LIN52: variants seen among roughly 807,000 people sequenced by gnomAD.
LIN52 encodes protein lin-52 homolog.
A neutral mutation model predicts 18.5 loss-of-function variants in LIN52; 4 were observed. That is an observed-to-expected ratio of 0.22 (90% CI 0.11 to 0.49). The LOEUF is 0.49. Ranked by LOEUF, LIN52 falls within the 20% of genes least tolerant of loss-of-function variation. LIN52 has a pLI of 0.97. For missense variants in LIN52, 102 were observed against 139.5 expected, an observed-to-expected ratio of 0.73 and a Z score of 1.35; for synonymous variants, 34 against 45.5, an observed-to-expected ratio of 0.75 and a Z score of 1.02.
At chr14:74,182,005 TTTTA>T (rs1485088703) in intron 5 of LIN52, among the ~76,000 whole-genome samples, 1 of 152,156 alleles carries the variant, frequency 6.6e-6, no homozygotes, top group African/African-American at 2.4e-5. Flanking sequence ...ATATTGTGCT[TTTTA>T]TTTATTTGTT....
At chr14:74,173,442 C>G (rs764270405) in intron 5 of LIN52, among the ~76,000 whole-genome samples, 18 of 152,156 alleles carry the variant, frequency 1.2e-4, no homozygotes, top group Non-Finnish European at 4.4e-5. Flanking sequence ...CCGCCTTGGC[C>G]TCCCAAAGTC....
intron 5 of LIN52, among the ~76,000 whole-genome samples, chr14:74,189,053 C>A (rs1194701402): frequency 1.3e-5 from 2 of 152,130 alleles, no homozygotes; most frequent in East Asian, 3.9e-4. Flanking sequence ...ATACTGTGAT[C>A]CTGGTCTGAT....
intron 5 of LIN52, among the ~76,000 whole-genome samples, chr14:74,130,288 T>TTG (rs1595168012): frequency 3.0e-5 from 4 of 131,184 alleles, no homozygotes; most frequent in East Asian, 2.3e-4. Flanking sequence ...GTTTTTTTTT[T>TTG]TTTTTTTTGA....
intron 5 of LIN52, chr14:74,174,677 T>G (rs983481490): frequency 1.3e-5 from 2 of 151,994 alleles, no homozygotes; most frequent in African/African-American, 4.8e-5. Flanking sequence ...AGAACTCGTG[T>G]TCTTATCACT....
chr14:74,146,515 A>G (rs756076906), intron 5 of LIN52, among the ~76,000 whole-genome samples: 6 of 152,176 alleles, frequency 3.9e-5, no homozygotes, highest in Admixed American at 3.9e-4. Flanking sequence ...AATTGCAGAT[A>G]AACTCCTGTG....
intron 5 of LIN52, among the ~76,000 whole-genome samples, chr14:74,108,336 G>A (rs2060909214): frequency 1.3e-5 from 2 of 152,242 alleles, no homozygotes; most frequent in African/African-American, 2.4e-5. Flanking sequence ...GAACATTCAG[G>A]TTCAACCAAA....
chr14:74,087,743 C>T (rs376836717), intron 1 of LIN52, among the ~76,000 whole-genome samples: 6 of 151,980 alleles, frequency 3.9e-5, no homozygotes, highest in African/African-American at 7.2e-5. Context: ...TTGTCTTTTT[C>T]GTGATAAATT....
chr14:74,172,527 C>T (rs1196372867), intron 5 of LIN52, among the ~76,000 whole-genome samples: 3 of 152,146 alleles, frequency 2.0e-5, no homozygotes, highest in East Asian at 3.8e-4. Context: ...ACAAACTCTT[C>T]ACTGCGTGTG....
chr14:74,179,412 C>A (rs1467478759), intron 5 of LIN52, among the ~76,000 whole-genome samples: 1 of 152,122 alleles, frequency 6.6e-6, no homozygotes, highest in Non-Finnish European at 1.5e-5. Context: ...GTAATCCCAA[C>A]ACTTTGGAAG....
intron 5 of LIN52, among the ~76,000 whole-genome samples, chr14:74,190,728 G>T (rs928336484): frequency 4.6e-5 from 7 of 152,084 alleles, no homozygotes; most frequent in Admixed American, 2.6e-4. Context: ...CAAGGCTGCC[G>T]ACCTTCAAAT....
chr14:74,180,859 G>A (rs150142707), intron 5 of LIN52, among the ~76,000 whole-genome samples: 25 of 152,026 alleles, frequency 1.6e-4, no homozygotes, highest in Non-Finnish European at 2.6e-4. Flanking sequence ...CTGTAATATC[G>A]GTACTTTGGG....
intron 4 of LIN52, among the ~76,000 whole-genome samples, chr14:74,098,870 A>G (rs1233004345): frequency 6.6e-6 from 1 of 152,166 alleles, no homozygotes. Context: ...TTTTAAGTCT[A>G]GCCTCTTTCC....
intron 5 of LIN52, among the ~76,000 whole-genome samples, chr14:74,118,827 C>G (rs1317517957): frequency 6.6e-6 from 1 of 152,164 alleles, no homozygotes; most frequent in African/African-American, 2.4e-5. Flanking sequence ...TGTGCCCCTT[C>G]TAGTCCCTAC....
At chr14:74,115,810 CAA>C (rs2060961100) in intron 5 of LIN52, among the ~76,000 whole-genome samples, 1 of 152,180 alleles carries the variant, frequency 6.6e-6, no homozygotes, top group African/African-American at 2.4e-5. Context: ...ATCCGTTAGT[CAA>C]GTTATTTCAT....
intron 5 of LIN52, among the ~76,000 whole-genome samples, chr14:74,185,415 C>T (rs1012827925): frequency 3.0e-5 from 4 of 135,556 alleles, no homozygotes; most frequent in African/African-American, 5.4e-5. Context: ...CCTGGGTTCA[C>T]GCCATTCTCC....
intron 5 of LIN52, among the ~76,000 whole-genome samples, chr14:74,110,826 C>A (rs1200890103): frequency 6.6e-6 from 1 of 151,420 alleles, no homozygotes; most frequent in Non-Finnish European, 1.5e-5. Flanking sequence ...GTTAGCCGGG[C>A]GTGGTGGTGG....
chr14:74,189,309 T>C lies in LIN52; in HGVS notation c.284-9613T>C, dbSNP rs2061353630. Among the ~76,000 whole-genome samples the C allele has an allele frequency of 2.6e-5, 4 of 152,208 alleles. No homozygotes were observed. In the South Asian group the frequency reaches 8.3e-4, roughly 32 times the overall value. ...ATGTAAAGGCCCTGAAGCATGAATGTTCTGCACAAATTTATGAGTATTTAA... is the reference window on the plus strand; with the variant it reads ...ATGTAAAGGCCCTGAAGCATGAATGCTCTGCACAAATTTATGAGTATTTAA... On this transcript the variant is annotated intron_variant, in intron 5 of 5. Transcript: ENST00000555028.
At chr14:74,158,434 G>A (rs950623895) in intron 5 of LIN52, among the ~76,000 whole-genome samples, 2 of 151,018 alleles carry the variant, frequency 1.3e-5, no homozygotes, top group Non-Finnish European at 3.0e-5. Context: ...GCTGTCGTAA[G>A]TTATTTCTTC....
At chr14:74,106,913 A>G (rs753861093) in intron 5 of LIN52, among the ~76,000 whole-genome samples, 1 of 151,992 alleles carries the variant, frequency 6.6e-6, no homozygotes, top group Non-Finnish European at 1.5e-5. Flanking sequence ...TTTGAAGTAC[A>G]TTTTCTTCTC....
Sources: gnomAD v4.1 joint callset for allele counts (sites outside exome capture counted in the v4.1 genomes callset) on GRCh38, gnomAD v4.1.1 for gene constraint, MANE v1.5 for transcripts, NCBI Gene and HGNC (gene_info 2026-07-23, HGNC 2026-07-21) for gene names.